The following PHACTR1 variants were observed in gnomAD, a reference collection of about 807,000 sequenced individuals.
PHACTR1 encodes RPEL repeat containing 1.
In PHACTR1, 16 loss-of-function variants were observed where a neutral mutation model predicts 69.2. The ratio of observed to expected loss-of-function variants is 0.23; its 90% CI spans 0.16 to 0.35. PHACTR1 has a LOEUF of 0.35. Among genes scored for constraint, PHACTR1 ranks in the 10% least tolerant of loss-of-function variants. The pLI, the probability that PHACTR1 is intolerant of heterozygous loss-of-function variation, is 1.00. For synonymous variants in PHACTR1, 312 were observed against 284.5 expected, an observed-to-expected ratio of 1.10 and a Z score of -0.97; for missense variants, 510 against 734.7, an observed-to-expected ratio of 0.69 and a Z score of 3.54.
intron 7 of PHACTR1, among the ~76,000 whole-genome samples, chr6:13,195,804 G>T (rs915134350): frequency 1.6e-5 from 2 of 129,014 alleles, no homozygotes; most frequent in Non-Finnish European, 3.4e-5. Flanking sequence ...GGTAAGAAGA[G>T]AGGTTAGAGG....
At chr6:12,901,598 A>T (rs1018912417) in intron 4 of PHACTR1, among the ~76,000 whole-genome samples, 1 of 152,050 alleles carries the variant, frequency 6.6e-6, no homozygotes, top group African/African-American at 2.4e-5. Flanking sequence ...GGGTTCAAGC[A>T]ATTCTCCTGC....
chr6:13,004,236 A>G (rs1798506271), intron 4 of PHACTR1, among the ~76,000 whole-genome samples: 1 of 151,934 alleles, frequency 6.6e-6, no homozygotes. Flanking sequence ...ATTCCCATCA[A>G]CAGGGTATAA....
chr6:13,154,640 T>C (rs1757911283), intron 5 of PHACTR1, among the ~76,000 whole-genome samples: 1 of 152,170 alleles, frequency 6.6e-6, no homozygotes, highest in Non-Finnish European at 1.5e-5. Context: ...TGCTTTGTTC[T>C]GTTCACTTTC....
At chr6:12,932,959 T>C (rs1247993952) in intron 4 of PHACTR1, among the ~76,000 whole-genome samples, 1 of 149,038 alleles carries the variant, frequency 6.7e-6, no homozygotes, top group African/African-American at 2.5e-5. Flanking sequence ...TTTTTGAGAT[T>C]GAGTCTCACT....
At chr6:12,868,746 A>G (rs1463054471) in intron 4 of PHACTR1, among the ~76,000 whole-genome samples, 2 of 151,942 alleles carry the variant, frequency 1.3e-5, no homozygotes, top group Non-Finnish European at 2.9e-5. Flanking sequence ...GAGTGTAGCA[A>G]CAGTTTATGA....
chr6:13,067,702 A>G (rs1292528834), intron 5 of PHACTR1, among the ~76,000 whole-genome samples: 1 of 152,204 alleles, frequency 6.6e-6, no homozygotes, highest in Non-Finnish European at 1.5e-5. Flanking sequence ...TTATGTTTTC[A>G]ATATAACTAT....
intron 4 of PHACTR1, among the ~76,000 whole-genome samples, chr6:12,798,069 C>CACACACACACACACACACACA (rs1561892342): frequency 6.7e-6 from 1 of 149,482 alleles, no homozygotes; most frequent in African/African-American, 2.4e-5. Flanking sequence ...CACACACACA[C>CACACACACACACACACACACA]CCCTACATAA....
At chr6:12,716,933 A>G (rs970924832) in intron 1 of PHACTR1, 37 bp downstream of exon 1, 3 of 141,680 alleles carry the variant, frequency 2.1e-5, no homozygotes, top group Non-Finnish European at 4.5e-5. Flanking sequence ...TTCCTTTCAA[A>G]TATCTTTTTG....
chr6:12,946,431 G>T (rs1790680192), intron 4 of PHACTR1, among the ~76,000 whole-genome samples: 1 of 152,150 alleles, frequency 6.6e-6, no homozygotes, highest in African/African-American at 2.4e-5. Flanking sequence ...CGAGATATGA[G>T]CGATTTGCAA....
At chr6:13,209,694 T>C (rs140302553) in intron 8 of PHACTR1, among the ~76,000 whole-genome samples, 96 of 152,322 alleles carry the variant, frequency 6.3e-4, no homozygotes, top group Non-Finnish European at 1.1e-3. Context: ...CACAGCAGTG[T>C]TCCTGACCAT....
At chr6:13,256,520 A>G (rs1247379240) in intron 10 of PHACTR1, among the ~76,000 whole-genome samples, 1 of 152,170 alleles carries the variant, frequency 6.6e-6, no homozygotes, top group Admixed American at 6.5e-5. Flanking sequence ...TTTAAATGTA[A>G]GTTCCAGTTT....
At chr6:13,042,435 T>C (rs1457960112) in intron 4 of PHACTR1, among the ~76,000 whole-genome samples, 1 of 152,216 alleles carries the variant, frequency 6.6e-6, no homozygotes, top group African/African-American at 2.4e-5. Context: ...CTAGGGTTCA[T>C]TAGGAATACT....
intron 4 of PHACTR1, among the ~76,000 whole-genome samples, chr6:12,816,633 G>A (rs995814661): frequency 5.9e-5 from 9 of 152,262 alleles, no homozygotes; most frequent in East Asian, 1.9e-4. Context: ...TTTTTCAGAA[G>A]CAATAAATCT....
At chr6:13,041,675 A>G (rs1041728470) in intron 4 of PHACTR1, among the ~76,000 whole-genome samples, 1 of 152,172 alleles carries the variant, frequency 6.6e-6, no homozygotes, top group Non-Finnish European at 1.5e-5. Context: ...TTATCATGAG[A>G]TTTTGGAATG....
intron 4 of PHACTR1, among the ~76,000 whole-genome samples, chr6:12,963,019 T>C (rs1262866097): frequency 6.6e-6 from 1 of 152,168 alleles, no homozygotes; most frequent in Non-Finnish European, 1.5e-5. Flanking sequence ...TTGATTTATA[T>C]ATTTTTGAAA....
chr6:12,948,672 C>T (rs1332289921), intron 4 of PHACTR1, among the ~76,000 whole-genome samples: 1 of 152,162 alleles, frequency 6.6e-6, no homozygotes, highest in East Asian at 1.9e-4. Context: ...GGTACCTAAG[C>T]TTTGAACCCC....
At chr6:13,244,080 G>A (rs1773236412) in intron 10 of PHACTR1, among the ~76,000 whole-genome samples, 1 of 152,120 alleles carries the variant, frequency 6.6e-6, no homozygotes, top group Non-Finnish European at 1.5e-5. Context: ...GCTGGCTTGA[G>A]AAATAAAGGG....
At chr6:12,730,149 C>T (rs555971724) in intron 3 of PHACTR1, among the ~76,000 whole-genome samples, 20 of 152,266 alleles carry the variant, frequency 1.3e-4, no homozygotes, top group African/African-American at 4.3e-4. Context: ...TTCTATATTC[C>T]TTGGTAACTC....
intron 10 of PHACTR1, among the ~76,000 whole-genome samples, chr6:13,235,180 G>T (rs1239241820): frequency 6.6e-6 from 1 of 152,064 alleles, no homozygotes; most frequent in Admixed American, 6.6e-5. Context: ...GACACACAGA[G>T]ACCTCAGGGC....
Sources: gnomAD v4.1 joint callset for allele counts (sites outside exome capture counted in the v4.1 genomes callset) on GRCh38, gnomAD v4.1.1 for gene constraint, MANE v1.5 for transcripts, NCBI Gene and HGNC (gene_info 2026-07-23, HGNC 2026-07-21) for gene names.